The following DNAH5 variants were observed in gnomAD, a reference collection of about 807,000 sequenced individuals.
The protein encoded by DNAH5 is axonemal beta dynein heavy chain 5.
In DNAH5, 372 loss-of-function variants were observed where a neutral mutation model predicts 518.2. That is an observed-to-expected ratio of 0.72 (90% CI 0.66 to 0.78). The LOEUF is 0.78. Among genes scored for constraint, DNAH5 ranks in the 30% least tolerant of loss-of-function variants. The probability of loss-of-function intolerance (pLI) is 0.00; values close to 1 mark genes in which losing one functional copy is unlikely to be tolerated. For synonymous variants in DNAH5, 2,039 were observed against 2,025.9 expected (o/e 1.01, Z -0.17); for missense variants, 5,523 against 5,687.0 (o/e 0.97, Z 0.93).
chr5:13,701,448 A>G lies in DNAH5; in HGVS notation c.13339-12T>C, dbSNP rs775701675. 1.2e-6 allele frequency: 2 copies of G among 1,603,788 alleles called. No homozygotes were observed. Among genetic ancestry groups the G allele is most frequent in the Non-Finnish European group, 1.7e-6 (2 of 1,170,384 alleles). On this transcript the variant is annotated splice_polypyrimidine_tract_variant and intron_variant, in intron 76 of 78. Coordinates refer to ENST00000265104, the MANE Select transcript of DNAH5 (RefSeq NM_001369.3). ...GAAATCCAAGAAGCCTGCAATGAAG[A>G]CATTAAAACAATTAATTGATGTAAG...
chr5:13,807,353 G>A (rs767524548), intron 47 of DNAH5, among the ~76,000 whole-genome samples: 4 of 152,112 alleles, frequency 2.6e-5, no homozygotes, highest in Non-Finnish European at 4.4e-5. Flanking sequence ...ATTTTAAACC[G>A]CATTGAGGCC....
intron 47 of DNAH5, among the ~76,000 whole-genome samples, chr5:13,796,169 T>C (rs1201987954): frequency 6.6e-6 from 1 of 152,160 alleles, no homozygotes; most frequent in East Asian, 1.9e-4. Context: ...TCACCACTCA[T>C]ATTCAACATA....
At position 13,871,939 on chromosome 5, in the gene DNAH5, T is replaced by C. The variant is rs112696739; in HGVS notation, c.3397-174A>G. On this transcript the variant is annotated intron_variant, in intron 22 of 78. Coordinates refer to ENST00000265104, the MANE Select transcript of DNAH5 (RefSeq NM_001369.3). Reference sequence around the variant, plus strand: ...GGACTATATACAATAGTGTGGACAGTAGCCCAGGGCTAGTAACAGTTTCAC... The same window carrying C: ...GGACTATATACAATAGTGTGGACAGCAGCCCAGGGCTAGTAACAGTTTCAC... 0.011 allele frequency among the ~76,000 whole-genome samples: 1,722 copies of C among 152,312 alleles called. 35 individuals carry two copies. The highest frequency in any genetic ancestry group is 0.038 in the African/African-American group (1,594 of 41,554).
intron 5 of DNAH5, among the ~76,000 whole-genome samples, chr5:13,920,910 A>G (rs896838691): frequency 1.3e-5 from 2 of 152,160 alleles, no homozygotes; most frequent in African/African-American, 4.8e-5. Flanking sequence ...CATTTTGGTA[A>G]TACTTTTATT....
intron 1 of DNAH5, among the ~76,000 whole-genome samples, chr5:13,934,666 A>G (rs1360640582): frequency 6.6e-6 from 1 of 152,210 alleles, no homozygotes; most frequent in Admixed American, 6.5e-5. Flanking sequence ...AAAAGTAAAG[A>G]TGAAAAAGTT....
At chr5:13,821,078 T>A (rs1762183622) in intron 40 of DNAH5, among the ~76,000 whole-genome samples, 1 of 152,184 alleles carries the variant, frequency 6.6e-6, no homozygotes. Flanking sequence ...TAATAAAAAA[T>A]ATATTGCATG....
At chr5:13,830,907 C>A in intron 35 of DNAH5, 132 bp from the exon 36 acceptor site, 1 of 825,740 alleles carries the variant, frequency 1.2e-6, no homozygotes, top group Non-Finnish European at 2.0e-6. Context: ...ATTTCGAATA[C>A]AACATCCTAA....
intron 1 of DNAH5, among the ~76,000 whole-genome samples, chr5:13,969,889 C>A (rs116307992): frequency 0.018 from 2,660 of 151,522 alleles, 76 homozygotes; most frequent in African/African-American, 0.061. Context: ...CGACCTGTAA[C>A]TGGAGTATTA....
Position 13,707,674 on chromosome 5 carries a change from A to C in DNAH5, c.13338+449T>G, listed in dbSNP as rs925420408. On this transcript the variant is annotated intron_variant, in intron 76 of 78. Coordinates refer to ENST00000265104, the MANE Select transcript of DNAH5 (RefSeq NM_001369.3). This position sits in a 1 kb window ranked among gnomAD's most constrained non-coding sequence, Gnocchi z 4.0. ...AACTCCTCCGATTTCGACAGCATGT[A>C]GCAGAAACTTTATTTTTTTTTTCCT... 6.6e-6 allele frequency among the ~76,000 whole-genome samples: 1 copy of C among 151,810 alleles called. No homozygotes were observed. The highest frequency in any genetic ancestry group is 6.6e-5 in the Admixed American group (1 of 15,262).
chr5:13,814,800 C>A lies in DNAH5; in HGVS notation c.7035G>T (p.Trp2345Cys), dbSNP rs1761224006. The change falls in exon 43 of 79, where the codon TGG becomes TGT. Residue 2345 changes from tryptophan (W) to cysteine (C), a missense_variant. By Grantham distance (215) the Trp-to-Cys change is radical (BLOSUM62 -2). Coordinates refer to ENST00000265104, the MANE Select transcript of DNAH5 (RefSeq NM_001369.3). ...CCAAAACAGAATTCAGATTTTCAAT[C>A]CAGATGGCATCTACTGGACCATCAA... ...IILDGPVDAI[W>C]IENLNSVLDD... 1 of 1,613,870 alleles carries A rather than the reference C, an allele frequency of 6.2e-7. No individual in the cohort carries two copies. Among genetic ancestry groups the A allele is most frequent in the Non-Finnish European group, 8.5e-7 (1 of 1,179,978 alleles).
intron 12 of DNAH5, among the ~76,000 whole-genome samples, chr5:13,904,964 G>GA (rs776666468): frequency 3.9e-5 from 6 of 151,908 alleles, no homozygotes; most frequent in Admixed American, 6.6e-5. Flanking sequence ...TAAAAGAACA[G>GA]AAAAAAATGT....
intron 1 of DNAH5, among the ~76,000 whole-genome samples, chr5:13,998,007 C>A (rs1299625229): frequency 6.6e-6 from 1 of 152,112 alleles, no homozygotes; most frequent in Non-Finnish European, 1.5e-5. Flanking sequence ...CCACGCCCAG[C>A]TAATTTTTGT....
intron 70 of DNAH5, among the ~76,000 whole-genome samples, chr5:13,722,526 ATG>A (rs1745191819): frequency 1.8e-5 from 1 of 55,102 alleles, no homozygotes; most frequent in Non-Finnish European, 4.3e-5. Flanking sequence ...TGGGTGCCAC[ATG>A]AGTCTAGACT....
intron 55 of DNAH5, chr5:13,771,326 A>G: frequency 3.2e-6 from 1 of 313,276 alleles, no homozygotes; most frequent in Non-Finnish European, 6.1e-6. Context: ...CTCAGAAATC[A>G]GTGCCCACCT....
chr5:13,870,583 G>C (rs1468140525), intron 24 of DNAH5, among the ~76,000 whole-genome samples, 184 bp downstream of exon 24: 1 of 152,142 alleles, frequency 6.6e-6, no homozygotes, highest in African/African-American at 2.4e-5. Flanking sequence ...TAGGCGACAT[G>C]TGAAGGTGAA....
At chr5:13,732,632 G>C (rs1473177938) in intron 68 of DNAH5, among the ~76,000 whole-genome samples, 1 of 152,048 alleles carries the variant, frequency 6.6e-6, no homozygotes, top group Non-Finnish European at 1.5e-5. Flanking sequence ...GCCTTCCAAA[G>C]TGCTGGGATT....
At chr5:13,958,598 T>C (rs1780939693) in intron 1 of DNAH5, among the ~76,000 whole-genome samples, 1 of 152,184 alleles carries the variant, frequency 6.6e-6, no homozygotes, top group Non-Finnish European at 1.5e-5. Context: ...CATTAAAGAT[T>C]TGGACCAAGA....
chr5:13,999,560 A>C (rs142781560), intron 1 of DNAH5, among the ~76,000 whole-genome samples: 2,689 of 152,358 alleles, frequency 0.018, 36 homozygotes, highest in South Asian at 0.074. Flanking sequence ...CACTGTATGT[A>C]TACAGCACAC....
intron 49 of DNAH5, 62 bp from the exon 50 acceptor site, chr5:13,792,279 A>G: frequency 6.9e-7 from 1 of 1,448,096 alleles, no homozygotes; most frequent in Non-Finnish European, 9.7e-7. Flanking sequence ...TGAAAATGAA[A>G]AGCATTATAG....
Sources: gnomAD v4.1 joint callset for allele counts (sites outside exome capture counted in the v4.1 genomes callset) on GRCh38, gnomAD v4.1.1 for gene constraint, Gnocchi (gnomAD v3.1) non-coding constraint, MANE v1.5 for transcripts, NCBI Gene and HGNC (gene_info 2026-07-23, HGNC 2026-07-21) for gene names.